The following RASGRP4 variants were observed in gnomAD, a reference collection of about 807,000 sequenced individuals.
The protein encoded by RASGRP4 is RAS guanyl releasing protein 4.
Under a neutral mutation model 84.4 loss-of-function variants are expected in RASGRP4, and 52 were observed. The observed-to-expected ratio is 0.62, with a 90% confidence interval of 0.49 to 0.78. The LOEUF (loss-of-function observed/expected upper bound fraction) is 0.78, where lower values mean the gene tolerates loss of function less well. Among genes scored for constraint, RASGRP4 ranks in the 30% least tolerant of loss-of-function variants. RASGRP4 has a pLI of 0.00. For missense variants in RASGRP4, 760 were observed against 886.9 expected, an observed-to-expected ratio of 0.86 and a Z score of 1.82; for synonymous variants, 356 against 359.1, an observed-to-expected ratio of 0.99 and a Z score of 0.10.
intron 1 of RASGRP4, among the ~76,000 whole-genome samples, chr19:38,425,860 A>G (rs1971971008): frequency 6.6e-6 from 1 of 152,130 alleles, no homozygotes; most frequent in African/African-American, 2.4e-5. Context: ...GAGCAGCTCA[A>G]ACTCCAGGGA....
chr19:38,422,636 G>C (rs576700841), intron 1 of RASGRP4, among the ~76,000 whole-genome samples: 9 of 150,450 alleles, frequency 6.0e-5, no homozygotes, highest in African/African-American at 2.2e-4. Flanking sequence ...GCTGCGTGCT[G>C]TTTATGATGC....
At position 38,411,017 on chromosome 19, in the gene RASGRP4, A is replaced by T; in HGVS notation, c.1853-19T>A. 6.2e-7 allele frequency: 1 copy of T among 1,608,298 alleles called. No individual in the cohort carries two copies. Among genetic ancestry groups the T allele is most frequent in the Non-Finnish European group, 8.5e-7 (1 of 1,177,328 alleles). On this transcript the variant is annotated intron_variant, in intron 15 of 16. Coordinates refer to ENST00000615439, the MANE Select transcript of RASGRP4 (RefSeq NM_170604.3). ...TCGGAGCCTGTTTGTGGGTGGATGG[A>T]AGGGATGTGGGTCTGATGGGAAGGA...
In RASGRP4 at chr19:38,418,165, G is replaced by T. The variant is rs553557964; in HGVS notation, c.837+226C>A. ...GGCATAGGGCTTGGGAGCCTGTCAC[G>T]TCTAGGGCCAAGGGGTGGGGCCACG... is the stretch of plus-strand genomic sequence containing the variant. On this transcript the variant is annotated intron_variant, in intron 7 of 16. Transcript: ENST00000615439. The surrounding 1 kb of genome is among the most constrained non-coding windows in gnomAD (Gnocchi z 4.6). Among the ~76,000 whole-genome samples, 3 of 150,794 alleles carry T rather than the reference G, an allele frequency of 2.0e-5. No individual in the cohort carries two copies. Among genetic ancestry groups the T allele is most frequent in the Non-Finnish European group, 2.9e-5 (2 of 67,990 alleles).
Position 38,413,342 on chromosome 19 carries a change from AG to A in RASGRP4, c.1312-46del, listed in dbSNP as rs754869060. On this transcript the variant is annotated intron_variant, in intron 10 of 16. Transcript: ENST00000615439. The surrounding 1 kb of genome is among the most constrained non-coding windows in gnomAD (Gnocchi z 4.7). ...GCACAGTTAGTCACTGCATAGGCTTAGGGGGGGTTCGAGGTAATTGGGGGAG... is the reference window on the plus strand; with the variant it reads ...GCACAGTTAGTCACTGCATAGGCTTAGGGGGGTTCGAGGTAATTGGGGGAG... 7 of 1,599,676 alleles carry A rather than the reference AG, an allele frequency of 4.4e-6. No individual in the cohort carries two copies. The highest frequency in any genetic ancestry group is 2.7e-5 in the African/African-American group (2 of 74,492).
intron 1 of RASGRP4, among the ~76,000 whole-genome samples, chr19:38,424,914 G>A (rs953609471): frequency 2.0e-5 from 3 of 151,980 alleles, no homozygotes; most frequent in African/African-American, 7.2e-5. Context: ...GGCTAAGGGT[G>A]GTGGCTCATG....
chr19:38,418,438 G>A lies in RASGRP4; in HGVS notation c.790C>T (p.Pro264Ser), dbSNP rs200429403. Reference protein sequence around the residue: ...VQVMVLSRPGPLQRAQVLDKF... With the variant: ...VQVMVLSRPGSLQRAQVLDKF... ...TCCAGCACCTGTGCACGCTGTAGGGGCCCGGGACGGCTCAGCACCATCACC... is the reference window on the plus strand; with the variant it reads ...TCCAGCACCTGTGCACGCTGTAGGGACCCGGGACGGCTCAGCACCATCACC... The change falls in exon 7 of 17, where the codon CCC becomes TCC. Residue 264 changes from proline (P) to serine (S), a missense_variant. Pro to Ser is a moderately conservative substitution (Grantham distance 74, BLOSUM62 -1). Coordinates refer to ENST00000615439, the MANE Select transcript of RASGRP4 (RefSeq NM_170604.3). This position sits in a 1 kb window ranked among gnomAD's most constrained non-coding sequence, Gnocchi z 4.6. 2.5e-6 allele frequency: 4 copies of A among 1,603,740 alleles called. No individual in the cohort carries two copies. The South Asian group carries it at 3.4e-5, about 13-fold the overall frequency.
In RASGRP4 at chr19:38,417,713, G is replaced by T. The variant is rs1971556391; in HGVS notation, c.838-545C>A. The stretch of plus-strand genomic sequence containing the variant: ...CTCCTTTTGACAAATTTCGGCAGAG[G>T]TTGCTGTGGAGAGAGTGGGGCCAGG... On this transcript the variant is annotated intron_variant, in intron 7 of 16. Coordinates refer to ENST00000615439, the MANE Select transcript of RASGRP4 (RefSeq NM_170604.3). This position sits in a 1 kb window ranked among gnomAD's most constrained non-coding sequence, Gnocchi z 5.1. Among the ~76,000 whole-genome samples, 1 of 152,176 alleles carries T rather than the reference G, an allele frequency of 6.6e-6. No homozygotes were observed. The highest frequency in any genetic ancestry group is 1.5e-5 in the Non-Finnish European group (1 of 68,030).
chr19:38,415,857 G>A (rs908628861), intron 8 of RASGRP4, among the ~76,000 whole-genome samples: 11 of 150,668 alleles, frequency 7.3e-5, no homozygotes, highest in Non-Finnish European at 1.6e-4. Flanking sequence ...TCAGGAGTTC[G>A]AGAACAGCCT....
In RASGRP4 at chr19:38,418,253, A is replaced by G. The variant is rs988916345; in HGVS notation, c.837+138T>C. On this transcript the variant is annotated intron_variant, in intron 7 of 16. Coordinates refer to ENST00000615439, the MANE Select transcript of RASGRP4 (RefSeq NM_170604.3). This position sits in a 1 kb window ranked among gnomAD's most constrained non-coding sequence, Gnocchi z 4.6. ...GTTACGGTCCTTGGTTGGAATGCCC[A>G]GGCTGTGGCCTCGGGGGCGGGGCCG... The G allele has an allele frequency of 1.2e-6, 1 of 869,188 alleles. No individual in the cohort carries two copies. The highest frequency in any genetic ancestry group is 1.7e-5 in the African/African-American group (1 of 57,922). The allele number at this position is 869,188 out of a possible 1,614,324, so 53.8% of individuals were successfully genotyped here. A position where few individuals can be genotyped will look rare whatever the true frequency, so the allele number is the denominator to read the frequency against.
In RASGRP4 at chr19:38,409,985, G is replaced by A; in HGVS notation, c.*55C>T. 1 of 1,449,228 alleles carries A rather than the reference G, an allele frequency of 6.9e-7. No homozygotes were observed. The highest frequency in any genetic ancestry group is 1.2e-5 in the South Asian group (1 of 80,912). The allele number at this position is 1,449,228 out of a possible 1,614,324, so 89.8% of individuals were successfully genotyped here. A position where few individuals can be genotyped will look rare whatever the true frequency, so the allele number is the denominator to read the frequency against. ...GGAGCCCTGCCAGAGTCTGACGGCA[G>A]GACTCAGGACTGACTGGGGGAAGGG... On this transcript the variant is annotated 3_prime_UTR_variant, in exon 17 of 17. Coordinates refer to ENST00000615439, the MANE Select transcript of RASGRP4 (RefSeq NM_170604.3).
In RASGRP4 at chr19:38,418,402, G is replaced by C. The variant is rs1470661277; in HGVS notation, c.826C>G (p.His276Asp). 6.2e-7 allele frequency: 1 copy of C among 1,605,998 alleles called. No homozygotes were observed. The highest frequency in any genetic ancestry group is 2.2e-5 in the East Asian group (1 of 44,622). Residue 276 changes from histidine to aspartate, a missense_variant, in exon 7 of 17, where the codon CAC (histidine) becomes GAC (aspartate). Coordinates refer to ENST00000615439, the MANE Select transcript of RASGRP4 (RefSeq NM_170604.3). This position sits in a 1 kb window ranked among gnomAD's most constrained non-coding sequence, Gnocchi z 4.6. ...QRAQVLDKFI[H>D]VAQRLHQLQN... is the part of the protein sequence containing the mutation. ...GGGGCGGGCCTCACCTGTGCCACGT[G>C]AATGAACTTGTCCAGCACCTGTGCA...
At position 38,417,970 on chromosome 19, in the gene RASGRP4, T is replaced by C. The variant is rs1600564958; in HGVS notation, c.837+421A>G. ...GGGAAGGGAGGGGAAGAGAAGGGCGTAACACAATGGGGCGGGGCGGGGAGA... is the reference window on the plus strand; with the variant it reads ...GGGAAGGGAGGGGAAGAGAAGGGCGCAACACAATGGGGCGGGGCGGGGAGA... On this transcript the variant is annotated intron_variant, in intron 7 of 16. Transcript: ENST00000615439. This position sits in a 1 kb window ranked among gnomAD's most constrained non-coding sequence, Gnocchi z 5.1. Among the ~76,000 whole-genome samples the C allele has an allele frequency of 8.1e-6, 1 of 123,594 alleles. No individual in the cohort carries two copies. The highest frequency in any genetic ancestry group is 3.1e-5 in the African/African-American group (1 of 31,804). The allele number at this position is 123,594 out of a possible 152,430, so 81.1% of individuals were successfully genotyped here. A position where few individuals can be genotyped will look rare whatever the true frequency, so the allele number is the denominator to read the frequency against.
At position 38,409,065 on chromosome 19, in the gene RASGRP4, A is replaced by G. The variant is rs1971105841; in HGVS notation, c.*975T>C. On this transcript the variant is annotated 3_prime_UTR_variant, in exon 17 of 17. Coordinates refer to ENST00000615439, the MANE Select transcript of RASGRP4 (RefSeq NM_170604.3). Reference sequence around the variant, plus strand: ...ATACCAAGAACCATGTTCTCCAGAGAATAAATTTAATTTATGACAGCTGTA... The same window carrying G: ...ATACCAAGAACCATGTTCTCCAGAGGATAAATTTAATTTATGACAGCTGTA... The G allele has an allele frequency of 1.8e-6, 1 of 543,714 alleles. No homozygotes were observed. The highest frequency in any genetic ancestry group is 3.5e-5 in the East Asian group (1 of 28,636). 33.7% of individuals were successfully genotyped at this position (543,714 alleles called of 1,614,324 possible). A position where few individuals can be genotyped will look rare whatever the true frequency, so the allele number is the denominator to read the frequency against.
intron 16 of RASGRP4, among the ~76,000 whole-genome samples, chr19:38,410,610 A>C (rs1242132994): frequency 6.6e-6 from 1 of 151,910 alleles, no homozygotes; most frequent in Non-Finnish European, 1.5e-5. Context: ...ATAGGGTTTT[A>C]TCACGTTGGC....
Position 38,413,117 on chromosome 19 carries a change from C to G in RASGRP4, c.1417-68G>C, listed in dbSNP as rs1238178749. 2.2e-5 allele frequency: 35 copies of G among 1,575,062 alleles called. 1 individual carries two copies. The Middle Eastern group carries it at 5.0e-4, about 23-fold the overall frequency. On this transcript the variant is annotated intron_variant, in intron 11 of 16. Transcript: ENST00000615439. The surrounding 1 kb of genome is among the most constrained non-coding windows in gnomAD (Gnocchi z 4.7). ...AATATGATCCCCATGGCCATAAGTC[C>G]CCACCTCCAGGCTCAGGGTTCTACA...
At chr19:38,421,852 T>C (rs938975987) in intron 2 of RASGRP4, 117 bp downstream of exon 2, 3 of 734,400 alleles carry the variant, frequency 4.1e-6, no homozygotes, top group Non-Finnish European at 6.7e-6. Context: ...AATGTAGTGA[T>C]TGAGTTTCAT....
chr19:38,424,339 C>G (rs774495748), intron 1 of RASGRP4, among the ~76,000 whole-genome samples: 1 of 152,120 alleles, frequency 6.6e-6, no homozygotes, highest in Non-Finnish European at 1.5e-5. Flanking sequence ...AGGCTGGTTT[C>G]AAACTCCTGG....
At chr19:38,424,067 G>A (rs530939457) in intron 1 of RASGRP4, among the ~76,000 whole-genome samples, 6 of 152,060 alleles carry the variant, frequency 3.9e-5, no homozygotes, top group Admixed American at 6.6e-5. Context: ...CAATTTCCTC[G>A]AAGGAAAAAT....
chr19:38,411,622 G>A, intron 13 of RASGRP4: 1 of 516,280 alleles, frequency 1.9e-6, no homozygotes, highest in Non-Finnish European at 3.5e-6. Flanking sequence ...TTGAGCTCAG[G>A]ATTGGAGGCT....
Sources: allele counts gnomAD v4.1 joint callset (sites outside exome capture counted in the v4.1 genomes callset), GRCh38; gene constraint gnomAD v4.1.1; non-coding constraint Gnocchi (gnomAD v3.1); transcripts MANE v1.5; gene names NCBI Gene and HGNC (gene_info 2026-07-23, HGNC 2026-07-21).